PIP5K1A: variants seen among roughly 807,000 people sequenced by gnomAD.
PIP5K1A encodes phosphatidylinositol-4-phosphate 5-kinase type 1 alpha, also known as phosphatidylinositol 4-phosphate 5-kinase type-1 alpha.
PIP5K1A carries 46 observed loss-of-function variants against 72.9 expected under a neutral mutation model. The ratio of observed to expected loss-of-function variants is 0.63; its 90% confidence interval spans 0.50 to 0.81. PIP5K1A has a LOEUF of 0.81. Among genes scored for constraint, PIP5K1A ranks in the 30% least tolerant of loss-of-function variants. The pLI, the probability that PIP5K1A is intolerant of heterozygous loss-of-function variation, is 0.00. For synonymous variants in PIP5K1A, 228 were observed against 255.1 expected, an observed-to-expected ratio of 0.89 and a Z score of 1.01; for missense variants, 458 against 706.1, an observed-to-expected ratio of 0.65 and a Z score of 3.98.
chr1:151,203,618 GATGGAGACCATCCTAACCAAC>G lies in PIP5K1A; in HGVS notation c.85+4538_85+4558del, dbSNP rs775958369. Among the ~76,000 whole-genome samples, 6 of 151,718 alleles carry G rather than the reference GATGGAGACCATCCTAACCAAC, an allele frequency of 4.0e-5. No individual in the cohort carries two copies. In the South Asian group the frequency reaches 1.2e-3, roughly 31 times the overall value. On this transcript the variant is annotated intron_variant, in intron 1 of 15. Coordinates refer to ENST00000368888, the MANE Select transcript of PIP5K1A (RefSeq NM_001135638.2). ...AGGTGGGCGGATCACAAGCTCAAGAGATGGAGACCATCCTAACCAACGTGGTGAAACCCCGTCTCTACTAAA... is the reference window on the plus strand; with the variant it reads ...AGGTGGGCGGATCACAAGCTCAAGAGGTGGTGAAACCCCGTCTCTACTAAA...
At chr1:151,208,079 C>T (rs899683622) in intron 1 of PIP5K1A, among the ~76,000 whole-genome samples, 1 of 151,828 alleles carries the variant, frequency 6.6e-6, no homozygotes, top group East Asian at 1.9e-4. Flanking sequence ...AGGCTGTTCT[C>T]GAACTCCTAA....
chr1:151,228,655 G>A (rs1056980498), intron 4 of PIP5K1A, among the ~76,000 whole-genome samples: 1 of 152,130 alleles, frequency 6.6e-6, no homozygotes, highest in Non-Finnish European at 1.5e-5. Flanking sequence ...GATGGTTTAG[G>A]CTTCCTGAGG....
In PIP5K1A at chr1:151,227,376, C is replaced by T. The variant is rs991180218; in HGVS notation, c.213C>T (p.Ser71=). 4 of 1,612,004 alleles carry T rather than the reference C, an allele frequency of 2.5e-6. No individual in the cohort carries two copies. Among genetic ancestry groups the T allele is most frequent in the African/African-American group, 1.3e-5 (1 of 74,850 alleles). Residue 71 remains serine (S), a synonymous_variant, in exon 4 of 16, where the codon TCC becomes TCT. Transcript: ENST00000368888. ...IKKIGHRSVD[S]SGETTYKKTT... Reference sequence around the variant, plus strand: ...AAATAGGCCATAGAAGTGTTGATTCCTCAGGAGAGACAACATATAAAAAGG... The same window carrying T: ...AAATAGGCCATAGAAGTGTTGATTCTTCAGGAGAGACAACATATAAAAAGG...
intron 1 of PIP5K1A, among the ~76,000 whole-genome samples, chr1:151,206,036 T>A (rs1685882106): frequency 6.6e-6 from 1 of 152,154 alleles, no homozygotes; most frequent in African/African-American, 2.4e-5. Context: ...TGCACCTCAC[T>A]TCTCTGCCCT....
upstream of PIP5K1A, chr1:151,198,437 G>A (rs587658489): frequency 7.3e-4 from 175 of 240,264 alleles, no homozygotes; most frequent in Non-Finnish European, 1.3e-3. Flanking sequence ...ACTCGTCAGG[G>A]CGTGAGGACC....
At chr1:151,205,709 A>T (rs929304335) in intron 1 of PIP5K1A, among the ~76,000 whole-genome samples, 4 of 152,058 alleles carry the variant, frequency 2.6e-5, no homozygotes, top group African/African-American at 9.7e-5. Context: ...GAGTCAAGAG[A>T]ATCACTTGAA....
At chr1:151,205,945 C>G (rs916978583) in intron 1 of PIP5K1A, among the ~76,000 whole-genome samples, 1 of 152,052 alleles carries the variant, frequency 6.6e-6, no homozygotes, top group East Asian at 1.9e-4. Context: ...TTTTTCTGTG[C>G]TCCATACCCA....
intron 1 of PIP5K1A, among the ~76,000 whole-genome samples, chr1:151,209,417 C>T (rs996445457): frequency 2.7e-5 from 4 of 147,986 alleles, no homozygotes; most frequent in Non-Finnish European, 5.9e-5. Context: ...ATTACAGGCG[C>T]GTGCCACCAT....
chr1:151,206,783 CTCTA>C (rs1685993695), intron 1 of PIP5K1A, among the ~76,000 whole-genome samples: 1 of 152,208 alleles, frequency 6.6e-6, no homozygotes, highest in Non-Finnish European at 1.5e-5. Flanking sequence ...CCAGGCTGGT[CTCTA>C]ACCCCTGACC....
chr1:151,230,772 T>G (rs1233458814), intron 4 of PIP5K1A, among the ~76,000 whole-genome samples: 1 of 152,236 alleles, frequency 6.6e-6, no homozygotes. Flanking sequence ...ACTCTTGGCC[T>G]AAAGTGGTCT....
Position 151,236,821 on chromosome 1 carries a change from C to CTTTTTTT in PIP5K1A, c.1145+74_1145+80dup, listed in dbSNP as rs369523470. 3.9e-3 allele frequency: 1,957 copies of CTTTTTTT among 497,324 alleles called. 2 individuals are homozygous for CTTTTTTT. Among genetic ancestry groups the CTTTTTTT allele is most frequent in the African/African-American group, 9.6e-3 (346 of 36,122 alleles). The allele number at this position is 497,324 out of a possible 1,614,324, so 30.8% of individuals were successfully genotyped here. ...CATAGGCCCACAGCACTTTTCTTTT[C>CTTTTTTT]TTTTTTTTTTTTTTTTTTTTTTAGT... On this transcript the variant is annotated intron_variant, in intron 9 of 15. Transcript: ENST00000368888.
chr1:151,218,279 C>T (rs76151030), intron 1 of PIP5K1A, among the ~76,000 whole-genome samples: 8 of 152,188 alleles, frequency 5.3e-5, no homozygotes, highest in African/African-American at 1.9e-4. Flanking sequence ...ATTCTTTTTG[C>T]AAATGATGTT....
chr1:151,209,669 C>T (rs1686502201), intron 1 of PIP5K1A, among the ~76,000 whole-genome samples: 1 of 151,704 alleles, frequency 6.6e-6, no homozygotes, highest in African/African-American at 2.4e-5. Flanking sequence ...GAACTCCTGA[C>T]CTCAGGTGAT....
At chr1:151,210,508 C>T (rs1203834190) in intron 1 of PIP5K1A, among the ~76,000 whole-genome samples, 1 of 151,972 alleles carries the variant, frequency 6.6e-6, no homozygotes, top group Non-Finnish European at 1.5e-5. Context: ...CTTTATCAAC[C>T]AAAAGTCCAC....
At position 151,214,662 on chromosome 1, in the gene PIP5K1A, T is replaced by TGA. The variant is rs587713522; in HGVS notation, c.86-9581_86-9580dup. Among the ~76,000 whole-genome samples the TGA allele has an allele frequency of 2.9e-4, 44 of 152,048 alleles. 1 individual carries two copies. In the South Asian group the frequency reaches 8.7e-3, roughly 30 times the overall value. On this transcript the variant is annotated intron_variant, in intron 1 of 15. Coordinates refer to ENST00000368888, the MANE Select transcript of PIP5K1A (RefSeq NM_001135638.2). ...TCCCAAAGGGCTGGGATTACAGGCGTGAGCCACAGCACCTGGCCGGCTTTT... is the reference window on the plus strand; with the variant it reads ...TCCCAAAGGGCTGGGATTACAGGCGTGAGAGCCACAGCACCTGGCCGGCTTTT...
At chr1:151,215,085 C>T (rs1244161065) in intron 1 of PIP5K1A, among the ~76,000 whole-genome samples, 6 of 144,976 alleles carry the variant, frequency 4.1e-5, no homozygotes, top group Non-Finnish European at 7.4e-5. Context: ...GGCTGGAGTG[C>T]AATGGCGCGA....
In PIP5K1A at chr1:151,235,186, G is replaced by A. The variant is rs773018041; in HGVS notation, c.939+690G>A. 9.9e-5 allele frequency among the ~76,000 whole-genome samples: 15 copies of A among 152,212 alleles called. 1 individual carries two copies. The highest frequency in any genetic ancestry group is 2.2e-4 in the African/African-American group (9 of 41,528). On this transcript the variant is annotated intron_variant, in intron 8 of 15. Transcript: ENST00000368888. Reference sequence around the variant, plus strand: ...CAATTTCCACCTCCCAGATTCAAGCGATTCTCCTGCCTCAGCCTCCCAAGT... The same window carrying A: ...CAATTTCCACCTCCCAGATTCAAGCAATTCTCCTGCCTCAGCCTCCCAAGT...
At chr1:151,203,937 A>G (rs1685566615) in intron 1 of PIP5K1A, among the ~76,000 whole-genome samples, 1 of 152,018 alleles carries the variant, frequency 6.6e-6, no homozygotes, top group African/African-American at 2.4e-5. Flanking sequence ...CACCTATATG[A>G]TTTTATCATG....
chr1:151,209,418 G>A (rs1686456102), intron 1 of PIP5K1A, among the ~76,000 whole-genome samples: 2 of 148,670 alleles, frequency 1.3e-5, no homozygotes, highest in African/African-American at 2.5e-5. Context: ...TTACAGGCGC[G>A]TGCCACCATG....
Sources: allele counts gnomAD v4.1 joint callset (sites outside exome capture counted in the v4.1 genomes callset), GRCh38; gene constraint gnomAD v4.1.1; transcripts MANE v1.5; gene names NCBI Gene and HGNC (gene_info 2026-07-23, HGNC 2026-07-21).